TMEM132B: variants seen among roughly 807,000 people sequenced by gnomAD.
TMEM132B encodes transmembrane protein 132B.
In TMEM132B, 18 loss-of-function variants were observed where a neutral mutation model predicts 90.8. The observed-to-expected ratio is 0.20, with a 90% CI of 0.14 to 0.29. The LOEUF (loss-of-function observed/expected upper bound fraction) is 0.29, where lower values mean the gene tolerates loss of function less well. Ranked by LOEUF, TMEM132B falls within the 10% of genes least tolerant of loss-of-function variation. The probability of loss-of-function intolerance (pLI) is 1.00; values close to 1 mark genes in which losing one functional copy is unlikely to be tolerated. For synonymous variants in TMEM132B, 504 were observed against 523.3 expected (o/e 0.96, Z 0.50); for missense variants, 1,096 against 1,326.8 (o/e 0.83, Z 2.70).
intron 1 of TMEM132B, among the ~76,000 whole-genome samples, chr12:125,325,668 C>CG (rs1876540681): frequency 7.2e-6 from 1 of 139,366 alleles, no homozygotes; most frequent in African/African-American, 2.7e-5. Context: ...TGCCTCCCAC[C>CG]CTGTGTGTGT....
chr12:125,345,213 T>C (rs1249826540), intron 1 of TMEM132B, among the ~76,000 whole-genome samples: 2 of 152,156 alleles, frequency 1.3e-5, no homozygotes, highest in East Asian at 3.9e-4. Flanking sequence ...TGAGTTGTTT[T>C]GTGTGAATTA....
chr12:125,485,374 A>C (rs1303667805), intron 3 of TMEM132B, among the ~76,000 whole-genome samples: 1 of 151,996 alleles, frequency 6.6e-6, no homozygotes, highest in Non-Finnish European at 1.5e-5. Flanking sequence ...TCATTCCGCC[A>C]CCACAACTCC....
chr12:125,369,020 C>T (rs1025616636), intron 2 of TMEM132B, among the ~76,000 whole-genome samples: 1 of 150,916 alleles, frequency 6.6e-6, no homozygotes, highest in Non-Finnish European at 1.5e-5. Context: ...ATCCCTCCCC[C>T]CTCCCCCGGC....
chr12:125,247,188 T>G (rs966230618), intron 1 of TMEM132B, among the ~76,000 whole-genome samples: 2 of 152,194 alleles, frequency 1.3e-5, no homozygotes, highest in African/African-American at 4.8e-5. Context: ...CACCCACCCC[T>G]TTGAACTTCT....
intron 1 of TMEM132B, among the ~76,000 whole-genome samples, chr12:125,222,274 C>G (rs1034264571): frequency 2.0e-5 from 3 of 152,074 alleles, no homozygotes; most frequent in Admixed American, 6.5e-5. Context: ...TTTCTTCCCT[C>G]AAGGACTCAA....
intron 2 of TMEM132B, among the ~76,000 whole-genome samples, chr12:125,378,917 T>C (rs141622837): frequency 2.2e-3 from 336 of 152,272 alleles, no homozygotes; most frequent in Admixed American, 2.7e-3. Flanking sequence ...CTGCCTGTTA[T>C]TGTTGTTGGA....
intron 4 of TMEM132B, among the ~76,000 whole-genome samples, chr12:125,525,321 C>A (rs1399430417): frequency 6.6e-6 from 1 of 152,216 alleles, no homozygotes; most frequent in Non-Finnish European, 1.5e-5. Flanking sequence ...GAAACTCAAT[C>A]CCCCTTGTGG....
At chr12:125,564,380 G>T (rs1247418033) in intron 4 of TMEM132B, among the ~76,000 whole-genome samples, 1 of 152,132 alleles carries the variant, frequency 6.6e-6, no homozygotes, top group Admixed American at 6.5e-5. Flanking sequence ...AGAATAGGAT[G>T]TAATTTTCAT....
chr12:125,433,797 A>G (rs1880615994), intron 3 of TMEM132B, among the ~76,000 whole-genome samples: 1 of 151,564 alleles, frequency 6.6e-6, no homozygotes, highest in Non-Finnish European at 1.5e-5. Context: ...AAAAAATGAT[A>G]TTTTGTATTT....
chr12:125,281,157 C>T (rs1330035310), intron 1 of TMEM132B, among the ~76,000 whole-genome samples: 2 of 152,144 alleles, frequency 1.3e-5, no homozygotes, highest in Non-Finnish European at 2.9e-5. Context: ...AGAGTCACCC[C>T]TTCCAGCACC....
At chr12:125,483,288 T>C (rs1032047265) in intron 3 of TMEM132B, among the ~76,000 whole-genome samples, 1 of 151,728 alleles carries the variant, frequency 6.6e-6, no homozygotes, top group Non-Finnish European at 1.5e-5. Context: ...TGAGAAAAAA[T>C]AGTGATTGGA....
At chr12:125,478,314 C>T (rs1438789377) in intron 3 of TMEM132B, among the ~76,000 whole-genome samples, 1 of 152,188 alleles carries the variant, frequency 6.6e-6, no homozygotes, top group African/African-American at 2.4e-5. Context: ...TAACAAACTT[C>T]TCTGAGCTAT....
intron 2 of TMEM132B, among the ~76,000 whole-genome samples, chr12:125,400,669 G>T (rs959379334): frequency 2.6e-5 from 4 of 152,182 alleles, no homozygotes; most frequent in Admixed American, 2.6e-4. Context: ...CAGCCTCCAG[G>T]TGCTTAGTGG....
chr12:125,197,027 G>A (rs1382715932), intron 1 of TMEM132B, among the ~76,000 whole-genome samples: 1 of 152,082 alleles, frequency 6.6e-6, no homozygotes, highest in African/African-American at 2.4e-5. Context: ...TAAGTTCAGG[G>A]GTACATGTGC....
At chr12:125,559,553 C>T (rs533763632) in intron 4 of TMEM132B, among the ~76,000 whole-genome samples, 62 of 152,308 alleles carry the variant, frequency 4.1e-4, no homozygotes, top group East Asian at 9.6e-4. Flanking sequence ...GCCAGCCAGA[C>T]GCCCTCCTGG....
intron 2 of TMEM132B, among the ~76,000 whole-genome samples, chr12:125,356,921 A>G (rs191985203): frequency 6.6e-6 from 1 of 152,104 alleles, no homozygotes; most frequent in Non-Finnish European, 1.5e-5. Context: ...TTGACCTACT[A>G]TATTTGTGTT....
At chr12:125,197,066 G>T (rs117228607) in intron 1 of TMEM132B, among the ~76,000 whole-genome samples, 13 of 152,194 alleles carry the variant, frequency 8.5e-5, no homozygotes, top group African/African-American at 2.9e-4. Context: ...AACTTGTGTC[G>T]TGGGGGTTTG....
chr12:125,599,664 T>A (rs1316840046), intron 5 of TMEM132B, among the ~76,000 whole-genome samples: 2 of 152,106 alleles, frequency 1.3e-5, no homozygotes, highest in Non-Finnish European at 2.9e-5. Context: ...TGAAGCAAGA[T>A]CCCTTCTGCA....
chr12:125,390,119 A>G, intron 2 of TMEM132B, among the ~76,000 whole-genome samples: 1 of 152,206 alleles, frequency 6.6e-6, no homozygotes, highest in East Asian at 1.9e-4. Context: ...TCCATGACCC[A>G]GCAATTCCAC....
Sources: allele counts gnomAD v4.1 joint callset (sites outside exome capture counted in the v4.1 genomes callset), GRCh38; gene constraint gnomAD v4.1.1; transcripts MANE v1.5; gene names NCBI Gene and HGNC (gene_info 2026-07-23, HGNC 2026-07-21).